Variants in TRABD2B observed in about 807,000 individuals in gnomAD.
TRABD2B encodes TraB domain containing 2B.
TRABD2B carries 14 observed loss-of-function variants against 40.1 expected under a neutral mutation model. The observed-to-expected ratio is 0.35, with a 90% confidence interval of 0.23 to 0.55. The LOEUF (loss-of-function observed/expected upper bound fraction) is 0.55, where lower values mean the gene tolerates loss of function less well. Among genes scored for constraint, TRABD2B ranks in the 20% least tolerant of loss-of-function variants. TRABD2B has a pLI of 0.90. For missense variants in TRABD2B, 541 were observed against 648.6 expected, an observed-to-expected ratio of 0.83 and a Z score of 1.80; for synonymous variants, 263 against 277.0, an observed-to-expected ratio of 0.95 and a Z score of 0.50.
chr1:47,873,101 C>T (rs994755926), intron 2 of TRABD2B, among the ~76,000 whole-genome samples: 2 of 152,102 alleles, frequency 1.3e-5, no homozygotes, highest in Admixed American at 1.3e-4. Context: ...TAGCTTTAAT[C>T]CGATCATTAA....
chr1:47,870,547 A>G (rs2124588633), intron 2 of TRABD2B, among the ~76,000 whole-genome samples: 1 of 152,258 alleles, frequency 6.6e-6, no homozygotes, highest in East Asian at 1.9e-4. Context: ...ATGCATCAGG[A>G]TTACTCATGC....
At position 47,945,196 on chromosome 1, in the gene TRABD2B, G is replaced by C. The variant is rs950128174; in HGVS notation, c.666+48838C>G. On this transcript the variant is annotated intron_variant, in intron 2 of 6. Coordinates refer to ENST00000606738, the MANE Select transcript of TRABD2B (RefSeq NM_001194986.2). ...GTAGCAGCACTTGGAGATAGTGAAA[G>C]GGCAGGAAGGCAGGGAAGCAATGTT... Among the ~76,000 whole-genome samples the C allele has an allele frequency of 2.2e-4, 34 of 152,292 alleles. No homozygotes were observed. In the East Asian group the frequency reaches 6.4e-3, roughly 29 times the overall value.
At chr1:47,950,188 A>G (rs769600502) in intron 2 of TRABD2B, among the ~76,000 whole-genome samples, 4 of 152,080 alleles carry the variant, frequency 2.6e-5, no homozygotes, top group Non-Finnish European at 4.4e-5. Context: ...GGGAGGCTGA[A>G]GCAGGAGAAT....
intron 2 of TRABD2B, among the ~76,000 whole-genome samples, chr1:47,820,777 A>G (rs1299899940): frequency 1.2e-5 from 1 of 81,664 alleles, no homozygotes; most frequent in Non-Finnish European, 2.3e-5. Flanking sequence ...AGAAGTTCAC[A>G]CACACCACAC....
Position 47,794,257 on chromosome 1 carries a change from T to C in TRABD2B, c.988+329A>G, listed in dbSNP as rs568521777. Among the ~76,000 whole-genome samples, 263 of 152,232 alleles carry C rather than the reference T, an allele frequency of 1.7e-3. 4 individuals are homozygous for C. Among genetic ancestry groups the C allele is most frequent in the South Asian group, 6.2e-4 (3 of 4,812 alleles). On this transcript the variant is annotated intron_variant, in intron 4 of 6. Coordinates refer to ENST00000606738, the MANE Select transcript of TRABD2B (RefSeq NM_001194986.2). ...CTTCACAGCCTTGCTCCTGGCTCTG[T>C]GGGTGGGCCTGAGGCTGGGCTGGGC...
intron 2 of TRABD2B, among the ~76,000 whole-genome samples, chr1:47,987,062 A>C (rs1645929416): frequency 6.6e-6 from 1 of 152,230 alleles, no homozygotes; most frequent in Non-Finnish European, 1.5e-5. Flanking sequence ...AAGCTGCATT[A>C]CCAGGCGACC....
At chr1:47,908,425 T>C (rs538725465) in intron 2 of TRABD2B, among the ~76,000 whole-genome samples, 24 of 152,312 alleles carry the variant, frequency 1.6e-4, no homozygotes, top group African/African-American at 5.5e-4. Flanking sequence ...CTCAGGCCAA[T>C]CAAGAAGTCC....
chr1:47,848,833 T>C (rs998843608), intron 2 of TRABD2B, among the ~76,000 whole-genome samples: 1 of 152,170 alleles, frequency 6.6e-6, no homozygotes, highest in Non-Finnish European at 1.5e-5. Flanking sequence ...TGACCATGTG[T>C]CCCCAGGAGA....
intron 2 of TRABD2B, among the ~76,000 whole-genome samples, chr1:47,863,724 G>A (rs1214718106): frequency 6.6e-6 from 1 of 152,084 alleles, no homozygotes; most frequent in African/African-American, 2.4e-5. Context: ...CTTACCATGT[G>A]ATCCAGCAAT....
At chr1:47,943,348 T>C (rs1347606575) in intron 2 of TRABD2B, among the ~76,000 whole-genome samples, 1 of 152,230 alleles carries the variant, frequency 6.6e-6, no homozygotes, top group Non-Finnish European at 1.5e-5. Context: ...ATTGAGCTTC[T>C]ACGTCCCATT....
intron 2 of TRABD2B, among the ~76,000 whole-genome samples, chr1:47,984,471 C>T (rs906631188): frequency 2.6e-5 from 4 of 152,228 alleles, no homozygotes; most frequent in African/African-American, 9.6e-5. Flanking sequence ...TGCGCCAGGG[C>T]GTGAAATGGG....
At chr1:47,869,260 A>G (rs961823496) in intron 2 of TRABD2B, among the ~76,000 whole-genome samples, 1 of 152,230 alleles carries the variant, frequency 6.6e-6, no homozygotes. Context: ...ATTTTACTAA[A>G]TAAATGGACA....
At chr1:47,930,433 C>G (rs989354736) in intron 2 of TRABD2B, among the ~76,000 whole-genome samples, 1 of 152,170 alleles carries the variant, frequency 6.6e-6, no homozygotes, top group Non-Finnish European at 1.5e-5. Context: ...GCGCCACATC[C>G]TGGAGCAGAA....
intron 2 of TRABD2B, among the ~76,000 whole-genome samples, chr1:47,826,589 T>C (rs1645178562): frequency 6.6e-6 from 1 of 152,126 alleles, no homozygotes; most frequent in South Asian, 2.1e-4. Flanking sequence ...GTTTGTTTTT[T>C]TTGAGACAGG....
chr1:47,898,689 A>C (rs1050540884), intron 2 of TRABD2B, among the ~76,000 whole-genome samples: 10 of 152,074 alleles, frequency 6.6e-5, no homozygotes, highest in Admixed American at 5.2e-4. Context: ...GATCTCTCCC[A>C]CGTTTTGTGA....
At chr1:47,957,103 G>A (rs1192560697) in intron 2 of TRABD2B, among the ~76,000 whole-genome samples, 1 of 152,230 alleles carries the variant, frequency 6.6e-6, no homozygotes, top group Non-Finnish European at 1.5e-5. Context: ...AGTGTCTGGA[G>A]TGGACCTCCA....
chr1:47,987,233 G>C (rs1645932309), intron 2 of TRABD2B, among the ~76,000 whole-genome samples: 1 of 152,112 alleles, frequency 6.6e-6, no homozygotes, highest in African/African-American at 2.4e-5. Flanking sequence ...TGCGGATGAG[G>C]GTTCTTGGAA....
At chr1:47,828,173 T>C (rs1409838577) in intron 2 of TRABD2B, among the ~76,000 whole-genome samples, 1 of 152,148 alleles carries the variant, frequency 6.6e-6, no homozygotes, top group Admixed American at 6.5e-5. Context: ...TAGCCGATGT[T>C]TCCTCCTTCT....
chr1:47,862,298 T>G (rs936849134), intron 2 of TRABD2B, among the ~76,000 whole-genome samples: 11 of 152,154 alleles, frequency 7.2e-5, no homozygotes, highest in African/African-American at 2.7e-4. Flanking sequence ...AAGAAATACA[T>G]CTTTTTTCAC....
Sources: gnomAD v4.1 joint callset for allele counts (sites outside exome capture counted in the v4.1 genomes callset) on GRCh38, gnomAD v4.1.1 for gene constraint, MANE v1.5 for transcripts, NCBI Gene and HGNC (gene_info 2026-07-23, HGNC 2026-07-21) for gene names.